The following SMPD2 variants were observed in gnomAD, a reference collection of about 807,000 sequenced individuals.
SMPD2 encodes the protein sphingomyelin phosphodiesterase 2, also known as N-SMase.
In SMPD2, 35 loss-of-function variants were observed where a neutral mutation model predicts 41.7. The observed-to-expected ratio is 0.84, with a 90% CI of 0.64 to 1.11. The LOEUF (loss-of-function observed/expected upper bound fraction) is 1.11. Ranked by LOEUF, SMPD2 falls within the 50% of genes most tolerant of loss-of-function variation. The pLI, the probability that SMPD2 is intolerant of heterozygous loss-of-function variation, is 0.00. For synonymous variants in SMPD2, 201 were observed against 208.2 expected (o/e 0.97, Z 0.30); for missense variants, 520 against 524.8 (o/e 0.99, Z 0.09).
rs781595306 is a variant in SMPD2, at chr6:109,441,408, A to G, written c.102A>G (p.Gly34=). ...GGGCCGACCGCATGAGGCGCCTGGG[A>G]GACTTTCTGAACCAGGAGAGCTTCG... The part of the protein sequence containing the change: ...KHRADRMRRL[G]DFLNQESFDL... Residue 34 remains glycine, a synonymous_variant, in exon 2 of 10, where the codon GGA becomes GGG. Transcript: ENST00000258052. The G allele has an allele frequency of 5.0e-6, 8 of 1,614,146 alleles. No homozygotes were observed. Among genetic ancestry groups the G allele is most frequent in the East Asian group, 4.5e-5 (2 of 44,876 alleles).
rs771647590 is a variant in SMPD2 at position 109,442,885 on chromosome 6, G to A, written c.624+1G>A. 1.9e-6 allele frequency: 3 copies of A among 1,612,322 alleles called. No individual in the cohort carries two copies. Among genetic ancestry groups the A allele is most frequent in the East Asian group, 2.2e-5 (1 of 44,860 alleles). On this transcript the variant is annotated splice_donor_variant, in intron 7 of 9. Transcript: ENST00000258052. LOFTEE classifies it high-confidence loss of function. ...CTATCTTGAAACTCGGGACTTCAAGGTGAGGACTTGCCTGTTACTTCCCCA... is the reference window on the plus strand; with the variant it reads ...CTATCTTGAAACTCGGGACTTCAAGATGAGGACTTGCCTGTTACTTCCCCA...
Position 109,441,032 on chromosome 6 carries a change from T to C in SMPD2, c.-90T>C, listed in dbSNP as rs2115312315. The C allele has an allele frequency of 2.2e-6, 3 of 1,353,402 alleles. No homozygotes were observed. Among genetic ancestry groups the C allele is most frequent in the Non-Finnish European group, 3.2e-6 (3 of 949,134 alleles). 83.8% of individuals were successfully genotyped at this position (1,353,402 alleles called of 1,614,324 possible). A position where few individuals can be genotyped will look rare whatever the true frequency, so the allele number is the denominator to read the frequency against. On this transcript the variant is annotated 5_prime_UTR_variant, in exon 1 of 10. Coordinates refer to ENST00000258052, the MANE Select transcript of SMPD2 (RefSeq NM_003080.3). The stretch of plus-strand genomic sequence containing the variant: ...CGCCGCCTGCGAAGAAGGAACGGTC[T>C]GGGGAGAAGGCGCCGCCGGCCGCCC...
chr6:109,441,760 G>C, intron 3 of SMPD2, 132 bp downstream of exon 3: 1 of 967,596 alleles, frequency 1.0e-6, no homozygotes, highest in South Asian at 1.3e-5. Context: ...AGAAGGAGAA[G>C]GGTGAACCAA....
At position 109,440,878 on chromosome 6, in the gene SMPD2, C is replaced by T. The variant is rs1562280016; in HGVS notation, c.-244C>T. 1.8e-6 allele frequency: 1 copy of T among 543,348 alleles called. No homozygotes were observed. 33.7% of individuals were successfully genotyped at this position (543,348 alleles called of 1,614,324 possible). A position where few individuals can be genotyped will look rare whatever the true frequency, so the allele number is the denominator to read the frequency against. On this transcript the variant is annotated 5_prime_UTR_variant, in exon 1 of 10. Coordinates refer to ENST00000258052, the MANE Select transcript of SMPD2 (RefSeq NM_003080.3). ...CGCGGCCCTTACCGAGCCTGGGCGCCCGGATTTCGGCAGCGGATCGCCTTT... is the reference window on the plus strand; with the variant it reads ...CGCGGCCCTTACCGAGCCTGGGCGCTCGGATTTCGGCAGCGGATCGCCTTT...
In SMPD2 at chr6:109,443,594, C is replaced by T. The variant is rs771050964; in HGVS notation, c.961C>T (p.Arg321Cys). Residue 321 changes from arginine (R) to cysteine (C), a missense_variant, in exon 10 of 10, where the codon CGC (arginine) becomes TGC (cysteine). Coordinates refer to ENST00000258052, the MANE Select transcript of SMPD2 (RefSeq NM_003080.3). Reference sequence around the variant, plus strand: ...GCTGGGTCTGGGCATGGCTCAGGCTCGCTGGTGGGCCACCTTCGCTAGCTA... The same window carrying T: ...GCTGGGTCTGGGCATGGCTCAGGCTTGCTGGTGGGCCACCTTCGCTAGCTA... ...TELGLGMAQA[R>C]WWATFASYVI... is the part of the protein sequence containing the mutation. The T allele has an allele frequency of 1.4e-5, 22 of 1,613,784 alleles. No homozygotes were observed. Among genetic ancestry groups the T allele is most frequent in the East Asian group, 1.3e-4 (6 of 44,880 alleles).
Position 109,441,341 on chromosome 6 carries a change from C to T in SMPD2, c.51-16C>T. ...CCCAGCAGTCGCCTCCCCTGCCCCG[C>T]TCTTCCCTTCCTTAGGGGCATTCCG... On this transcript the variant is annotated splice_polypyrimidine_tract_variant and intron_variant, in intron 1 of 9. Coordinates refer to ENST00000258052, the MANE Select transcript of SMPD2 (RefSeq NM_003080.3). 6.2e-7 allele frequency: 1 copy of T among 1,611,814 alleles called. No individual in the cohort carries two copies. The highest frequency in any genetic ancestry group is 8.5e-7 in the Non-Finnish European group (1 of 1,177,988).
chr6:109,441,809 C>G (rs1487631961), intron 3 of SMPD2, among the ~76,000 whole-genome samples, 165 bp from the exon 4 acceptor site: 3 of 152,258 alleles, frequency 2.0e-5, no homozygotes, highest in Admixed American at 2.0e-4. Flanking sequence ...GCTTTGTTTT[C>G]TGGCTGCCCT....
rs754094636 is a variant in SMPD2 at position 109,443,372 on chromosome 6, CTGTT to C, written c.839_842del (p.Phe280Ter). 1.2e-4 allele frequency: 189 copies of C among 1,614,132 alleles called. No individual in the cohort carries two copies. Among genetic ancestry groups the C allele is most frequent in the South Asian group, 4.2e-4 (38 of 91,086 alleles). On this transcript the variant is annotated frameshift_variant, in exon 9 of 10. Transcript: ENST00000258052. LOFTEE classifies it low-confidence loss of function (END_TRUNC). ...TGATCATGAAGCCCTGATGGCTACT[CTGTT>C]TGTGAGGCACAGCCCCCCACAGCAG... is the stretch of plus-strand genomic sequence containing the variant.
Position 109,442,576 on chromosome 6 carries a change from T to A in SMPD2, c.442T>A (p.Tyr148Asn), listed in dbSNP as rs1335031177. ...HAEYNRQKDI[Y>N]LAHRVAQAWE... ...CGAATACAATCGACAGAAGGACATC[T>A]ACCTAGCACATCGTGTGGCCCAAGC... The change falls in exon 6 of 10, where the codon TAC (tyrosine) becomes AAC (asparagine). Residue 148 changes from tyrosine (Y) to asparagine (N), a missense_variant. Tyr to Asn is a moderately radical substitution (Grantham distance 143, BLOSUM62 -2). Transcript: ENST00000258052. 1.2e-6 allele frequency: 2 copies of A among 1,614,076 alleles called. No individual in the cohort carries two copies. Among genetic ancestry groups the A allele is most frequent in the South Asian group, 2.2e-5 (2 of 91,070 alleles).
rs1386938347 is a variant in SMPD2 at position 109,443,869 on chromosome 6, G to A, written c.1236G>A (p.Leu412=). 1.9e-6 allele frequency: 3 copies of A among 1,612,624 alleles called. No homozygotes were observed. Among genetic ancestry groups the A allele is most frequent in the Non-Finnish European group, 2.5e-6 (3 of 1,179,598 alleles). Residue 412 remains leucine, a synonymous_variant, in exon 10 of 10, where the codon CTG becomes CTA. Coordinates refer to ENST00000258052, the MANE Select transcript of SMPD2 (RefSeq NM_003080.3). The part of the protein sequence containing the change: ...LGPEPQPALL[L]GQQEGDRTKE... Reference sequence around the variant, plus strand: ...CAGAGCCTCAGCCAGCCCTACTCCTGGGGCAGCAGGAGGGGGACAGAACTA... The same window carrying A: ...CAGAGCCTCAGCCAGCCCTACTCCTAGGGCAGCAGGAGGGGGACAGAACTA...
At position 109,441,589 on chromosome 6, in the gene SMPD2, A is replaced by G. The variant is rs1774887750; in HGVS notation, c.185A>G (p.Lys62Arg). 6.2e-7 allele frequency: 1 copy of G among 1,614,070 alleles called. No individual in the cohort carries two copies. The highest frequency in any genetic ancestry group is 1.3e-5 in the African/African-American group (1 of 74,930). ...CAGGACTTCCAGTACCTGAGACAGA[A>G]GCTGTCACCTACCTACCCAGCTGCA... is the stretch of plus-strand genomic sequence containing the variant. ...SEQDFQYLRQ[K>R]LSPTYPAAHH... Residue 62 changes from lysine (K) to arginine (R), a missense_variant, in exon 3 of 10, where the codon AAG (lysine) becomes AGG (arginine). Lys to Arg is a conservative substitution (Grantham distance 26, BLOSUM62 2). Transcript: ENST00000258052.
chr6:109,441,336 C>T (rs748543653), intron 1 of SMPD2, 21 bp from the exon 2 acceptor site: 2 of 1,610,584 alleles, frequency 1.2e-6, no homozygotes, highest in East Asian at 2.2e-5. Context: ...GCCTCCCCTG[C>T]CCCGCTCTTC....
chr6:109,442,914 A>G (rs766623095), intron 7 of SMPD2, 30 bp downstream of exon 7: 2 of 1,609,850 alleles, frequency 1.2e-6, no homozygotes, highest in Admixed American at 1.7e-5. Flanking sequence ...TTCCCCACCT[A>G]TATCCCCAGC....
At chr6:109,442,512 T>C in intron 5 of SMPD2, 31 bp from the exon 6 acceptor site, 6 of 1,584,452 alleles carry the variant, frequency 3.8e-6, no homozygotes, top group Non-Finnish European at 5.2e-6. Flanking sequence ...CCCTCAGTCT[T>C]ATCTGCTGTG....
chr6:109,442,847 G>C lies in SMPD2; in HGVS notation c.587G>C (p.Gly196Ala), dbSNP rs1282219665. ...LGCCLLKEWT[G>A]LHDAYLETRD... ...TGCTGCCTGCTGAAGGAGTGGACAGGGCTTCATGATGCCTATCTTGAAACT... is the reference window on the plus strand; with the variant it reads ...TGCTGCCTGCTGAAGGAGTGGACAGCGCTTCATGATGCCTATCTTGAAACT... Residue 196 changes from glycine (G) to alanine (A), a missense_variant, in exon 7 of 10, where the codon GGG becomes GCG. By Grantham distance (60) the Gly-to-Ala change is moderately conservative (BLOSUM62 0). Coordinates refer to ENST00000258052, the MANE Select transcript of SMPD2 (RefSeq NM_003080.3). 6.2e-7 allele frequency: 1 copy of C among 1,613,652 alleles called. No homozygotes were observed. The highest frequency in any genetic ancestry group is 8.5e-7 in the Non-Finnish European group (1 of 1,179,754).
At position 109,440,988 on chromosome 6, in the gene SMPD2, C is replaced by G; in HGVS notation, c.-134C>G. 5 of 853,180 alleles carry G rather than the reference C, an allele frequency of 5.9e-6. No homozygotes were observed. Among genetic ancestry groups the G allele is most frequent in the Non-Finnish European group, 5.6e-6 (3 of 539,602 alleles). The allele number at this position is 853,180 out of a possible 1,614,324, so 52.9% of individuals were successfully genotyped here. A position where few individuals can be genotyped will look rare whatever the true frequency, so the allele number is the denominator to read the frequency against. On this transcript the variant is annotated 5_prime_UTR_variant, in exon 1 of 10. Transcript: ENST00000258052. Reference sequence around the variant, plus strand: ...TCGGGCCCGACCTGAGCCACGCGGGCTTGGTGCCCACCTGTGCGCGCCGCC... The same window carrying G: ...TCGGGCCCGACCTGAGCCACGCGGGGTTGGTGCCCACCTGTGCGCGCCGCC...
chr6:109,441,334 T>C (rs1293239305), intron 1 of SMPD2, 23 bp from the exon 2 acceptor site: 1 of 1,610,510 alleles, frequency 6.2e-7, no homozygotes, highest in African/African-American at 1.3e-5. Context: ...TCGCCTCCCC[T>C]GCCCCGCTCT....
At position 109,441,603 on chromosome 6, in the gene SMPD2, T is replaced by A. The variant is rs779308551; in HGVS notation, c.199T>A (p.Tyr67Asn). 6.2e-7 allele frequency: 1 copy of A among 1,614,166 alleles called. No homozygotes were observed. Among genetic ancestry groups the A allele is most frequent in the East Asian group, 2.2e-5 (1 of 44,872 alleles). Residue 67 changes from tyrosine (Y) to asparagine (N), a missense_variant, in exon 3 of 10, where the codon TAC (tyrosine) becomes AAC (asparagine). Coordinates refer to ENST00000258052, the MANE Select transcript of SMPD2 (RefSeq NM_003080.3). ...QYLRQKLSPT[Y>N]PAAHHFRSGI... Reference sequence around the variant, plus strand: ...CCTGAGACAGAAGCTGTCACCTACCTACCCAGCTGCACACCACTTCCGGAG... The same window carrying A: ...CCTGAGACAGAAGCTGTCACCTACCAACCCAGCTGCACACCACTTCCGGAG...
Position 109,443,847 on chromosome 6 carries a change from A to C in SMPD2, c.1214A>C (p.Glu405Ala), listed in dbSNP as rs1241127724. The C allele has an allele frequency of 6.2e-7, 1 of 1,613,552 alleles. No individual in the cohort carries two copies. The highest frequency in any genetic ancestry group is 1.7e-5 in the Admixed American group (1 of 60,012). The change falls in exon 10 of 10, where the codon GAG (glutamate) becomes GCG (alanine). Residue 405 changes from glutamate (E) to alanine (A), a missense_variant. Coordinates refer to ENST00000258052, the MANE Select transcript of SMPD2 (RefSeq NM_003080.3). ...RAREAQDLGP[E>A]PQPALLLGQQ... Reference sequence around the variant, plus strand: ...AGGGAGGCCCAGGATCTGGGCCCAGAGCCTCAGCCAGCCCTACTCCTGGGG... The same window carrying C: ...AGGGAGGCCCAGGATCTGGGCCCAGCGCCTCAGCCAGCCCTACTCCTGGGG...
Sources: allele counts gnomAD v4.1 joint callset (sites outside exome capture counted in the v4.1 genomes callset), GRCh38; gene constraint gnomAD v4.1.1; transcripts MANE v1.5; gene names NCBI Gene and HGNC (gene_info 2026-07-23, HGNC 2026-07-21).